STAB2: variants seen among roughly 807,000 people sequenced by gnomAD.
STAB2 encodes stabilin 2, also known as stabilin-2.
In STAB2, 288 loss-of-function variants were observed where a neutral mutation model predicts 338.1. The ratio of observed to expected loss-of-function variants is 0.85; its 90% confidence interval spans 0.77 to 0.94. The LOEUF (loss-of-function observed/expected upper bound fraction) is 0.94. STAB2 is among the 40% of genes least tolerant of loss of function. The pLI is 0.00. For missense variants in STAB2, 3,141 were observed against 3,210.1 expected (o/e 0.98, Z 0.52); for synonymous variants, 1,202 against 1,193.3 (o/e 1.01, Z -0.15).
chr12:103,632,408 G>T (rs1329471908), intron 6 of STAB2, among the ~76,000 whole-genome samples: 1 of 152,176 alleles, frequency 6.6e-6, no homozygotes, highest in Non-Finnish European at 1.5e-5. Context: ...TGTTGGAGAG[G>T]GTGTGGTGGG....
intron 44 of STAB2, among the ~76,000 whole-genome samples, chr12:103,724,607 T>A (rs1881034290): frequency 6.6e-6 from 1 of 152,226 alleles, no homozygotes; most frequent in South Asian, 2.1e-4. Flanking sequence ...TTCTCTCTGA[T>A]AATGGTTACC....
chr12:103,756,966 T>A, intron 63 of STAB2, among the ~76,000 whole-genome samples: 1 of 143,972 alleles, frequency 6.9e-6, no homozygotes. Flanking sequence ...ACCTACCTTC[T>A]CTGGGCCTCA....
chr12:103,724,215 G>T (rs558865712), intron 44 of STAB2, among the ~76,000 whole-genome samples: 1 of 152,222 alleles, frequency 6.6e-6, no homozygotes, highest in Non-Finnish European at 1.5e-5. Context: ...CCAGGACATT[G>T]CCACTTCAAT....
At chr12:103,701,122 C>A (rs911062682) in intron 34 of STAB2, among the ~76,000 whole-genome samples, 6 of 150,900 alleles carry the variant, frequency 4.0e-5, no homozygotes, top group African/African-American at 2.4e-5. Context: ...TTTGTTCTTG[C>A]GATAGTTTAC....
rs147735729 is a variant in STAB2 at position 103,747,160 on chromosome 12, C to G, written c.6244+456C>G. On this transcript the variant is annotated intron_variant, in intron 58 of 68. Transcript: ENST00000388887. ...TTTTCTAACTCTACAAGTAATCCAG[C>G]CTTCAAAAAAAAATCAGAAAATACA... Among the ~76,000 whole-genome samples the G allele has an allele frequency of 4.3e-3, 647 of 151,562 alleles. 10 individuals carry two copies. The highest frequency in any genetic ancestry group is 0.022 in the Admixed American group (332 of 15,256).
At chr12:103,684,601 A>C (rs533193020) in intron 26 of STAB2, among the ~76,000 whole-genome samples, 1 of 152,302 alleles carries the variant, frequency 6.6e-6, no homozygotes, top group South Asian at 2.1e-4. Flanking sequence ...GCCAGATAAA[A>C]TGCAGGATAC....
At chr12:103,725,531 T>TGTGTGCATGTGTGC (rs1169620268) in intron 45 of STAB2, among the ~76,000 whole-genome samples, 2 of 152,152 alleles carry the variant, frequency 1.3e-5, no homozygotes, top group Non-Finnish European at 2.9e-5. Context: ...TGGATTGCAG[T>TGTGTGCATGTGTGC]GTGTGCATGT....
intron 53 of STAB2, 48 bp from the exon 54 acceptor site, chr12:103,739,364 G>A (rs1291447378): frequency 2.0e-6 from 3 of 1,511,990 alleles, no homozygotes; most frequent in South Asian, 1.3e-5. Flanking sequence ...ATTTCCTTGT[G>A]TTTTCTGATA....
At chr12:103,732,330 TACTG>T (rs916019325) in intron 50 of STAB2, among the ~76,000 whole-genome samples, 1 of 151,454 alleles carries the variant, frequency 6.6e-6, no homozygotes, top group Non-Finnish European at 1.5e-5. Context: ...AGACATATCT[TACTG>T]ACTCCAGAGA....
chr12:103,747,763 G>A (rs1317765431), intron 58 of STAB2, among the ~76,000 whole-genome samples: 1 of 152,108 alleles, frequency 6.6e-6, no homozygotes, highest in Non-Finnish European at 1.5e-5. Context: ...GGGAGGCCGG[G>A]GTGGGCAGAT....
At chr12:103,645,803 G>A (rs1415102334) in intron 9 of STAB2, among the ~76,000 whole-genome samples, 1 of 152,030 alleles carries the variant, frequency 6.6e-6, no homozygotes, top group African/African-American at 2.4e-5. Context: ...TGTTGTGAGG[G>A]GCTGGGCTGT....
intron 45 of STAB2, among the ~76,000 whole-genome samples, 198 bp from the exon 46 acceptor site, chr12:103,725,918 C>T (rs1020700494): frequency 3.9e-5 from 6 of 151,992 alleles, no homozygotes; most frequent in African/African-American, 1.2e-4. Flanking sequence ...ATGGCGATTC[C>T]AGAAAGGTTA....
chr12:103,692,889 G>C lies in STAB2; in HGVS notation c.3375G>C (p.Lys1125Asn). The change falls in exon 31 of 69, where the codon AAG (lysine) becomes AAC (asparagine). Residue 1125 changes from lysine (K) to asparagine (N), a missense_variant and splice_region_variant. Lys to Asn is a moderately conservative substitution (Grantham distance 94, BLOSUM62 0). Transcript: ENST00000388887. ...ATNGVIHIINKVLVPQRRLTG... is the reference protein window; with the variant it reads ...ATNGVIHIINNVLVPQRRLTG... ...ATGGAGTGATACACATCATCAACAA[G>C]GTACAAGATTCCATTCTCCTGTGCG... 6.2e-7 allele frequency: 1 copy of C among 1,612,122 alleles called. No individual in the cohort carries two copies. Among genetic ancestry groups the C allele is most frequent in the Non-Finnish European group, 8.5e-7 (1 of 1,178,458 alleles).
chr12:103,689,503 AAATG>A (rs1877738360), intron 28 of STAB2, among the ~76,000 whole-genome samples: 1 of 152,198 alleles, frequency 6.6e-6, no homozygotes, highest in African/African-American at 2.4e-5. Flanking sequence ...AGAAAAAAAA[AAATG>A]AATGCTCAAG....
chr12:103,631,818 A>G, intron 6 of STAB2, 125 bp downstream of exon 6: 1 of 799,826 alleles, frequency 1.3e-6, no homozygotes, highest in Non-Finnish European at 2.0e-6. Flanking sequence ...TTCTGGAAAG[A>G]AACTAGAAAT....
chr12:103,765,414 C>T (rs1298900087), intron 68 of STAB2, among the ~76,000 whole-genome samples: 4 of 152,336 alleles, frequency 2.6e-5, no homozygotes, highest in South Asian at 2.1e-4. Flanking sequence ...TACATTCTCA[C>T]GCCTTTGACA....
Position 103,740,753 on chromosome 12 carries a change from C to T in STAB2, c.5878C>T (p.Gln1960Ter), listed in dbSNP as rs1348739927. ...CAAGGGCTACTTCGGGCGAGACTGT[C>T]AGGGTGAGGGTGCCTCTTCCCCCCT... ...CCKGYFGRDC[Q>*]ACPGGPDAPC... Residue 1960 changes from glutamine to a stop codon, truncating the protein, a stop_gained, in exon 55 of 69, where the codon CAG becomes TAG. Coordinates refer to ENST00000388887, the MANE Select transcript of STAB2 (RefSeq NM_017564.10). LOFTEE classifies it high-confidence loss of function. The T allele has an allele frequency of 9.5e-6, 15 of 1,579,822 alleles. No homozygotes were observed. Among genetic ancestry groups the T allele is most frequent in the Non-Finnish European group, 1.3e-5 (15 of 1,167,502 alleles).
intron 39 of STAB2, 133 bp from the exon 40 acceptor site, chr12:103,711,338 A>T: frequency 1.7e-6 from 2 of 1,163,730 alleles, no homozygotes; most frequent in Non-Finnish European, 2.4e-6. Context: ...GATTGACATG[A>T]CCTCATAGTT....
At position 103,637,107 on chromosome 12, in the gene STAB2, G is replaced by A. The variant is rs1260403047; in HGVS notation, c.584-4G>A. 1 of 1,595,866 alleles carries A rather than the reference G, an allele frequency of 6.3e-7. No individual in the cohort carries two copies. Among genetic ancestry groups the A allele is most frequent in the Non-Finnish European group, 8.5e-7 (1 of 1,173,562 alleles). On this transcript the variant is annotated splice_region_variant and splice_polypyrimidine_tract_variant and intron_variant, in intron 6 of 68. Transcript: ENST00000388887. Reference sequence around the variant, plus strand: ...GCAAGTACTTCAACAATTTTCCTATGCAGCCATCCCTGAATGTGCAGCCTT... The same window carrying A: ...GCAAGTACTTCAACAATTTTCCTATACAGCCATCCCTGAATGTGCAGCCTT...
Sources: allele counts gnomAD v4.1 joint callset (sites outside exome capture counted in the v4.1 genomes callset), GRCh38; gene constraint gnomAD v4.1.1; transcripts MANE v1.5; gene names NCBI Gene and HGNC (gene_info 2026-07-23, HGNC 2026-07-21).